SLC15A1: variants seen among roughly 807,000 people sequenced by gnomAD.
SLC15A1 encodes the protein Caco-2 oligopeptide transporter.
Under a neutral mutation model 92.9 loss-of-function variants are expected in SLC15A1, and 83 were observed. The observed-to-expected ratio is 0.89, with a 90% confidence interval of 0.75 to 1.07. The LOEUF (loss-of-function observed/expected upper bound fraction) is 1.07. SLC15A1 is among the 50% of genes least tolerant of loss of function. The pLI is 0.00. For synonymous variants in SLC15A1, 322 were observed against 318.2 expected, an observed-to-expected ratio of 1.01 and a Z score of -0.13; for missense variants, 857 against 880.1, an observed-to-expected ratio of 0.97 and a Z score of 0.33.
Position 98,709,730 on chromosome 13 carries a change from C to A in SLC15A1, c.978+12G>T. On this transcript the variant is annotated intron_variant, in intron 13 of 22. Coordinates refer to ENST00000376503, the MANE Select transcript of SLC15A1 (RefSeq NM_005073.4). ...GACTCTGATCCCTGAAAGCAACTTA[C>A]ATGTCTTCTACCTGCATCTGATCGG... 6.2e-7 allele frequency: 1 copy of A among 1,614,202 alleles called. No homozygotes were observed.
intron 16 of SLC15A1, 78 bp from the exon 17 acceptor site, chr13:98,704,513 A>T (rs532694060): frequency 7.3e-7 from 1 of 1,373,894 alleles, no homozygotes; most frequent in South Asian, 1.4e-5. Context: ...AAGAGCAGTT[A>T]TCTGATATTC....
intron 8 of SLC15A1, 145 bp downstream of exon 8, chr13:98,719,092 A>T (rs150852007): frequency 2.4e-4 from 151 of 620,934 alleles, no homozygotes; most frequent in Non-Finnish European, 3.8e-4. Context: ...TTGAATACTT[A>T]GAGCATGTTT....
intron 18 of SLC15A1, among the ~76,000 whole-genome samples, chr13:98,699,396 A>G (rs1308965592): frequency 6.6e-6 from 1 of 152,216 alleles, no homozygotes; most frequent in African/African-American, 2.4e-5. Context: ...TTTAAGAAAT[A>G]AAAGTGTGTA....
intron 1 of SLC15A1, among the ~76,000 whole-genome samples, chr13:98,739,676 G>A (rs7984336): frequency 0.93 from 141,695 of 152,198 alleles, 66,082 homozygotes; most frequent in African/African-American, 0.95. Context: ...CATGCTTCCT[G>A]TACAGCCTGC....
chr13:98,744,176 G>A (rs1017274680), intron 1 of SLC15A1, among the ~76,000 whole-genome samples: 74 of 149,196 alleles, frequency 5.0e-4, no homozygotes, highest in African/African-American at 1.8e-3. Context: ...GGGAGGTCAA[G>A]GCTGCAGTGA....
rs1773754066 is a variant in SLC15A1, at chr13:98,686,271, A to G, written c.1854T>C (p.Leu618=). ...CCACGGTCAGCAGCCATCCTGCCTG[A>G]AGCACCGACTTCATGTTGGAAGGAG... is the stretch of plus-strand genomic sequence containing the variant. ...SQAPSNMKSV[L]QAGWLLTVAV... Residue 618 remains leucine, a synonymous_variant, in exon 22 of 23, where the codon CTT becomes CTC. Transcript: ENST00000376503. The G allele has an allele frequency of 6.2e-7, 1 of 1,612,770 alleles. No homozygotes were observed.
intron 1 of SLC15A1, among the ~76,000 whole-genome samples, chr13:98,747,295 C>T (rs571472726): frequency 1.3e-5 from 2 of 152,236 alleles, no homozygotes; most frequent in East Asian, 1.9e-4. Context: ...ATTTCCTTAT[C>T]GGCTCACCTG....
At chr13:98,750,116 A>ATT (rs1288226088) in intron 1 of SLC15A1, among the ~76,000 whole-genome samples, 8 of 145,252 alleles carry the variant, frequency 5.5e-5, no homozygotes, top group African/African-American at 1.8e-4. Flanking sequence ...CCAAAGCAAC[A>ATT]TTTTTTTTTT....
chr13:98,719,333 G>A lies in SLC15A1; in HGVS notation c.557-13C>T, dbSNP rs778747978. On this transcript the variant is annotated splice_polypyrimidine_tract_variant and intron_variant, in intron 7 of 22. Transcript: ENST00000376503. ...CCACATTGTTGAACTGGGGAGAAAT[G>A]ACAAGATTAAAATTGTTATGGCATT... 1.2e-5 allele frequency: 19 copies of A among 1,599,278 alleles called. No individual in the cohort carries two copies. In the Admixed American group the frequency reaches 3.2e-4, roughly 27 times the overall value.
chr13:98,704,563 C>T, intron 16 of SLC15A1, 128 bp from the exon 17 acceptor site: 4 of 974,688 alleles, frequency 4.1e-6, no homozygotes, highest in Non-Finnish European at 6.0e-6. Flanking sequence ...CAAAAAAATG[C>T]CTGTGGGGAG....
At chr13:98,739,072 C>A (rs1458852400) in intron 1 of SLC15A1, among the ~76,000 whole-genome samples, 1 of 152,216 alleles carries the variant, frequency 6.6e-6, no homozygotes, top group Non-Finnish European at 1.5e-5. Flanking sequence ...TTAGTGCCTG[C>A]CCTGCTGGAT....
intron 1 of SLC15A1, among the ~76,000 whole-genome samples, chr13:98,729,879 C>T (rs1270456611): frequency 2.6e-5 from 4 of 152,102 alleles, no homozygotes; most frequent in East Asian, 1.9e-4. Flanking sequence ...TGCAGCTCGG[C>T]GTGGCCCCAG....
chr13:98,751,067 T>G (rs1369771196), intron 1 of SLC15A1, among the ~76,000 whole-genome samples: 1 of 152,184 alleles, frequency 6.6e-6, no homozygotes, highest in Non-Finnish European at 1.5e-5. Flanking sequence ...GATCTGTTCT[T>G]AAGAGAAGTT....
chr13:98,701,667 ATTT>A (rs34078820), intron 18 of SLC15A1, among the ~76,000 whole-genome samples: 5,502 of 115,476 alleles, frequency 0.048, 275 homozygotes, highest in African/African-American at 0.14. Flanking sequence ...TACTCAGCTA[ATTT>A]TTTTTTTTTT....
At chr13:98,722,227 T>A (rs2088266231) in intron 5 of SLC15A1, among the ~76,000 whole-genome samples, 1 of 152,230 alleles carries the variant, frequency 6.6e-6, no homozygotes, top group Non-Finnish European at 1.5e-5. Context: ...GAAATGTTAT[T>A]GAACAAATAT....
At chr13:98,701,667 ATT>A (rs34078820) in intron 18 of SLC15A1, among the ~76,000 whole-genome samples, 2,202 of 115,530 alleles carry the variant, frequency 0.019, 59 homozygotes, top group African/African-American at 0.069. Context: ...TACTCAGCTA[ATT>A]TTTTTTTTTT....
At chr13:98,739,868 G>T (rs1224895898) in intron 1 of SLC15A1, among the ~76,000 whole-genome samples, 1 of 152,112 alleles carries the variant, frequency 6.6e-6, no homozygotes, top group Non-Finnish European at 1.5e-5. Context: ...AAGACAACTT[G>T]GCAGATTCTT....
intron 11 of SLC15A1, among the ~76,000 whole-genome samples, chr13:98,711,023 G>A (rs1593991630): frequency 2.6e-5 from 4 of 151,880 alleles, no homozygotes; most frequent in South Asian, 2.1e-4. Flanking sequence ...GCTCCTGTCC[G>A]CATGCAGCAC....
intron 1 of SLC15A1, among the ~76,000 whole-genome samples, chr13:98,736,590 C>T (rs942691787): frequency 2.0e-5 from 3 of 152,140 alleles, no homozygotes; most frequent in African/African-American, 7.2e-5. Context: ...GCAATCTACT[C>T]GTCTGACAAA....
Sources: gnomAD v4.1 joint callset for allele counts (sites outside exome capture counted in the v4.1 genomes callset) on GRCh38, gnomAD v4.1.1 for gene constraint, MANE v1.5 for transcripts, NCBI Gene and HGNC (gene_info 2026-07-23, HGNC 2026-07-21) for gene names.